DSCAM: variants seen among roughly 807,000 people sequenced by gnomAD.
The protein encoded by DSCAM is cell adhesion molecule DSCAM.
In DSCAM, 47 loss-of-function variants were observed where a neutral mutation model predicts 217.7. The observed-to-expected ratio is 0.22, with a 90% CI of 0.17 to 0.28. DSCAM has a LOEUF of 0.28. Ranked by LOEUF, DSCAM falls within the 10% of genes least tolerant of loss-of-function variation. The pLI is 1.00. For synonymous variants in DSCAM, 1,056 were observed against 1,015.3 expected (o/e 1.04, Z -0.76); for missense variants, 2,080 against 2,618.3 (o/e 0.79, Z 4.49).
intron 1 of DSCAM, among the ~76,000 whole-genome samples, chr21:40,745,144 C>T (rs2091162042): frequency 6.6e-6 from 1 of 151,846 alleles, no homozygotes; most frequent in Admixed American, 6.6e-5. Flanking sequence ...TTGAAGAAGG[C>T]CTATGAGAAT....
intron 3 of DSCAM, among the ~76,000 whole-genome samples, chr21:40,395,711 G>C (rs2075172702): frequency 6.6e-6 from 1 of 151,910 alleles, no homozygotes; most frequent in Admixed American, 6.6e-5. Flanking sequence ...TTATAAAAAA[G>C]AATCACTTTC....
At chr21:40,194,133 A>G (rs2090983121) in intron 11 of DSCAM, among the ~76,000 whole-genome samples, 1 of 152,220 alleles carries the variant, frequency 6.6e-6, no homozygotes, top group African/African-American at 2.4e-5. Context: ...CTTAATCTGC[A>G]CACAATACTC....
At chr21:40,481,279 G>C (rs2075979909) in intron 3 of DSCAM, among the ~76,000 whole-genome samples, 1 of 152,126 alleles carries the variant, frequency 6.6e-6, no homozygotes, top group Non-Finnish European at 1.5e-5. Flanking sequence ...CACAAGGTCA[G>C]GAGATCGAGA....
At chr21:40,705,784 C>T (rs2090708622) in intron 2 of DSCAM, among the ~76,000 whole-genome samples, 1 of 152,202 alleles carries the variant, frequency 6.6e-6, no homozygotes, top group South Asian at 2.1e-4. Context: ...TAGAGTTAAA[C>T]CCTATCAGCC....
intron 20 of DSCAM, among the ~76,000 whole-genome samples, chr21:40,097,217 ATAAAAG>A (rs2089687309): frequency 6.6e-6 from 1 of 152,136 alleles, no homozygotes; most frequent in Non-Finnish European, 1.5e-5. Context: ...TATAATATAA[ATAAAAG>A]TAAAATGTTT....
chr21:40,347,848 T>C lies in DSCAM; in HGVS notation c.1032A>G (p.Glu344=). ...SCSVTGTEDQ[E]LSWYRNGEIL... is the part of the protein sequence containing the mutation. ...TTTCACCATTGCGGTACCAGGAGAG[T>C]TCCTGGTCCTCAGTTCCTGTCACGC... Residue 344 remains glutamate (E), a synonymous_variant, in exon 6 of 33, where the codon GAA becomes GAG. Transcript: ENST00000400454. 6 of 1,613,946 alleles carry C rather than the reference T, an allele frequency of 3.7e-6. No individual in the cohort carries two copies. The highest frequency in any genetic ancestry group is 5.1e-6 in the Non-Finnish European group (6 of 1,179,950).
At chr21:40,270,453 T>C (rs968711932) in intron 11 of DSCAM, among the ~76,000 whole-genome samples, 1 of 151,866 alleles carries the variant, frequency 6.6e-6, no homozygotes, top group African/African-American at 2.4e-5. Flanking sequence ...CTGCTGGGGG[T>C]GCTGGTGACT....
At chr21:40,381,062 C>CAAAAAAAAAAAAAAAA (rs71186932) in intron 3 of DSCAM, among the ~76,000 whole-genome samples, 5 of 66,222 alleles carry the variant, frequency 7.6e-5, no homozygotes, top group Admixed American at 2.6e-4. Context: ...GACTCCGTCT[C>CAAAAAAAAAAAAAAAA]AAAAAAAAAA....
chr21:40,407,686 C>G (rs2075290298), intron 3 of DSCAM, among the ~76,000 whole-genome samples: 1 of 152,196 alleles, frequency 6.6e-6, no homozygotes, highest in Non-Finnish European at 1.5e-5. Context: ...CAAGCCCACT[C>G]ATTTGGGCTG....
intron 1 of DSCAM, among the ~76,000 whole-genome samples, chr21:40,843,531 C>T (rs538094198): frequency 1.2e-3 from 181 of 152,256 alleles, no homozygotes; most frequent in Admixed American, 2.8e-3. Context: ...CTAGAATGTG[C>T]TCTGGGGTTA....
intron 1 of DSCAM, among the ~76,000 whole-genome samples, chr21:40,814,370 T>C (rs1488389088): frequency 6.6e-6 from 1 of 152,226 alleles, no homozygotes; most frequent in African/African-American, 2.4e-5. Context: ...TCATTAAAAA[T>C]GTAAGAACAA....
intron 3 of DSCAM, among the ~76,000 whole-genome samples, chr21:40,587,434 A>G (rs536801332): frequency 2.6e-5 from 4 of 152,314 alleles, no homozygotes; most frequent in East Asian, 3.9e-4. Flanking sequence ...ACAATTTTTT[A>G]TCACATCAGT....
At chr21:40,146,314 T>G (rs1601382622) in intron 16 of DSCAM, among the ~76,000 whole-genome samples, 4 of 151,104 alleles carry the variant, frequency 2.6e-5, no homozygotes, top group South Asian at 2.1e-4. Context: ...GAGGATGGGG[T>G]GAGTGGAGCC....
chr21:40,483,712 G>T lies in DSCAM; in HGVS notation c.509-114467C>A, dbSNP rs532099692. ...CATTAATAAACCTAGATTACTATTTGTCCATTTCAAGCATCCTATCCCTGG... is the reference window on the plus strand; with the variant it reads ...CATTAATAAACCTAGATTACTATTTTTCCATTTCAAGCATCCTATCCCTGG... On this transcript the variant is annotated intron_variant, in intron 3 of 32. Transcript: ENST00000400454. 6.6e-5 allele frequency among the ~76,000 whole-genome samples: 10 copies of T among 152,086 alleles called. No individual in the cohort carries two copies. The South Asian group carries it at 1.5e-3, about 22-fold the overall frequency.
chr21:40,092,678 G>GT (rs1425113830), intron 21 of DSCAM, among the ~76,000 whole-genome samples: 4 of 152,010 alleles, frequency 2.6e-5, no homozygotes, highest in Non-Finnish European at 5.9e-5. Context: ...TGTTTTTGTT[G>GT]TTTTTTTGGT....
chr21:40,780,441 A>ATATATATC (rs1555888069), intron 1 of DSCAM, among the ~76,000 whole-genome samples: 4 of 141,366 alleles, frequency 2.8e-5, no homozygotes, highest in Admixed American at 7.3e-5. Flanking sequence ...ATATATATAT[A>ATATATATC]TATATATCTC....
rs552956754 is a variant in DSCAM, at chr21:40,560,044, T to C, written c.508+132766A>G. Reference sequence around the variant, plus strand: ...TCCTGACCTCGTGATCCGCCCGCCTTGGCCTCCCAAAGTGCTGGGATTATA... The same window carrying C: ...TCCTGACCTCGTGATCCGCCCGCCTCGGCCTCCCAAAGTGCTGGGATTATA... On this transcript the variant is annotated intron_variant, in intron 3 of 32. Transcript: ENST00000400454. 4.5e-4 allele frequency among the ~76,000 whole-genome samples: 68 copies of C among 152,244 alleles called. 1 individual carries two copies. Among genetic ancestry groups the C allele is most frequent in the East Asian group, 2.7e-3 (14 of 5,156 alleles).
intron 10 of DSCAM, among the ~76,000 whole-genome samples, chr21:40,279,767 C>T (rs1569038766): frequency 6.6e-6 from 1 of 152,178 alleles, no homozygotes; most frequent in Non-Finnish European, 1.5e-5. Flanking sequence ...AAATGTGGCA[C>T]ACATGCTTCA....
intron 1 of DSCAM, among the ~76,000 whole-genome samples, chr21:40,813,601 T>A (rs1318994262): frequency 1.3e-5 from 2 of 152,088 alleles, no homozygotes; most frequent in African/African-American, 4.8e-5. Flanking sequence ...TTATTTGATT[T>A]CCATATATTT....
Sources: gnomAD v4.1 joint callset for allele counts (sites outside exome capture counted in the v4.1 genomes callset) on GRCh38, gnomAD v4.1.1 for gene constraint, MANE v1.5 for transcripts, NCBI Gene and HGNC (gene_info 2026-07-23, HGNC 2026-07-21) for gene names.